Variants in PTPRB observed in about 807,000 individuals in gnomAD.
The protein encoded by PTPRB is receptor-type tyrosine-protein phosphatase beta.
PTPRB carries 97 observed loss-of-function variants against 238.1 expected under a neutral mutation model. The observed-to-expected ratio is 0.41, with a 90% CI of 0.35 to 0.48. The LOEUF (loss-of-function observed/expected upper bound fraction) is 0.48. PTPRB is among the 20% of genes least tolerant of loss of function. PTPRB has a pLI of 0.30. For synonymous variants in PTPRB, 970 were observed against 995.4 expected (o/e 0.97, Z 0.48); for missense variants, 2,292 against 2,681.9 (o/e 0.85, Z 3.21).
At chr12:70,536,244 G>A in intron 28 of PTPRB, 85 bp from the exon 29 acceptor site, 1 of 1,448,226 alleles carries the variant, frequency 6.9e-7, no homozygotes, top group Non-Finnish European at 9.4e-7. Flanking sequence ...TTAGATGATA[G>A]GGAGGTCTCT....
At chr12:70,605,470 G>A (rs1008900211) in intron 4 of PTPRB, among the ~76,000 whole-genome samples, 1 of 152,110 alleles carries the variant, frequency 6.6e-6, no homozygotes, top group Non-Finnish European at 1.5e-5. Context: ...TGTATTAGAT[G>A]CCATTTAAGT....
At chr12:70,599,793 C>G (rs546034721) in intron 4 of PTPRB, among the ~76,000 whole-genome samples, 2 of 151,964 alleles carry the variant, frequency 1.3e-5, no homozygotes, top group Non-Finnish European at 2.9e-5. Flanking sequence ...ATTCTTTTTT[C>G]CTTTTCTTTT....
At position 70,536,881 on chromosome 12, in the gene PTPRB, T is replaced by C. The variant is rs139774743; in HGVS notation, c.5947-722A>G. 2.7e-3 allele frequency among the ~76,000 whole-genome samples: 413 copies of C among 152,312 alleles called. 2 individuals are homozygous for C. Among genetic ancestry groups the C allele is most frequent in the African/African-American group, 9.2e-3 (382 of 41,560 alleles). On this transcript the variant is annotated intron_variant, in intron 28 of 33. Coordinates refer to ENST00000334414, the MANE Select transcript of PTPRB (RefSeq NM_001109754.4). ...GCTTGGCTGAGCCTTCTTTTATCTT[T>C]CTCTCTGCTGGGGGATATTCTCCAA...
intron 10 of PTPRB, among the ~76,000 whole-genome samples, chr12:70,577,010 A>C (rs545523091): frequency 6.6e-5 from 10 of 152,330 alleles, no homozygotes; most frequent in African/African-American, 2.2e-4. Flanking sequence ...CAAATATTTC[A>C]ACAATCTAAA....
chr12:70,538,399 C>T, intron 27 of PTPRB, 168 bp from the exon 28 acceptor site: 1 of 574,792 alleles, frequency 1.7e-6, no homozygotes, highest in Middle Eastern at 3.0e-4. Flanking sequence ...CCCCATGTTG[C>T]ATAGGTGGCC....
At chr12:70,620,673 T>C (rs146834565) in intron 3 of PTPRB, among the ~76,000 whole-genome samples, 5 of 152,294 alleles carry the variant, frequency 3.3e-5, no homozygotes, top group Non-Finnish European at 7.4e-5. Context: ...GGTGATACTA[T>C]TCAGCCATGA....
rs191296659 is a variant in PTPRB, at chr12:70,569,019, C to T, written c.3634+656G>A. On this transcript the variant is annotated intron_variant, in intron 14 of 33. Coordinates refer to ENST00000334414, the MANE Select transcript of PTPRB (RefSeq NM_001109754.4). ...GCTCTACCAGGTAAAGTAGATGGCA[C>T]AGATGTGTACTCTTTCTTAAAAGGT... Among the ~76,000 whole-genome samples, 30 of 152,224 alleles carry T rather than the reference C, an allele frequency of 2.0e-4. No individual in the cohort carries two copies. The East Asian group carries it at 5.0e-3, about 25-fold the overall frequency.
At chr12:70,620,413 T>C (rs990211783) in intron 3 of PTPRB, among the ~76,000 whole-genome samples, 1 of 152,198 alleles carries the variant, frequency 6.6e-6, no homozygotes, top group Non-Finnish European at 1.5e-5. Flanking sequence ...TAGGCAAAAA[T>C]TGGAGACTGT....
intron 3 of PTPRB, 38 bp from the exon 4 acceptor site, chr12:70,609,377 T>C: frequency 6.3e-7 from 1 of 1,597,576 alleles, no homozygotes; most frequent in Non-Finnish European, 8.5e-7. Flanking sequence ...AAGTCCACAG[T>C]CTGGACTGCT....
chr12:70,520,153 G>A lies in PTPRB; in HGVS notation c.*1336C>T. 1 of 447,738 alleles carries A rather than the reference G, an allele frequency of 2.2e-6. No individual in the cohort carries two copies. Among genetic ancestry groups the A allele is most frequent in the South Asian group, 1.6e-5 (1 of 61,554 alleles). 27.7% of individuals were successfully genotyped at this position (447,738 alleles called of 1,614,324 possible). ...CAAACATCTCCAGCTCATCTTCTCA[G>A]GTATCTATGAAGATTCCGTACAAAC... is the stretch of plus-strand genomic sequence containing the variant. On this transcript the variant is annotated 3_prime_UTR_variant, in exon 34 of 34. Transcript: ENST00000334414.
chr12:70,574,789 C>T lies in PTPRB; in HGVS notation c.2842+1593G>A, dbSNP rs565572882. Reference sequence around the variant, plus strand: ...GGGGCAATGATTTGCCTCCATTAGTCGTGTACCAAGTCCAAGTTCATGCCG... The same window carrying T: ...GGGGCAATGATTTGCCTCCATTAGTTGTGTACCAAGTCCAAGTTCATGCCG... On this transcript the variant is annotated intron_variant, in intron 11 of 33. Coordinates refer to ENST00000334414, the MANE Select transcript of PTPRB (RefSeq NM_001109754.4). 2.0e-4 allele frequency among the ~76,000 whole-genome samples: 30 copies of T among 152,282 alleles called. No homozygotes were observed. In the South Asian group the frequency reaches 5.4e-3, roughly 27 times the overall value.
rs765320471 is a variant in PTPRB, at chr12:70,566,631, T to A, written c.3708A>T (p.Lys1236Asn). 8 of 1,614,030 alleles carry A rather than the reference T, an allele frequency of 5.0e-6. No homozygotes were observed. In the East Asian group the frequency reaches 1.8e-4, roughly 36 times the overall value. ...CATATCTTTCTGCCACACCAGCAGC[T>A]TTTTGCCAACTTACTATTAAGGAAT... is the stretch of plus-strand genomic sequence containing the variant. The part of the protein sequence containing the change: ...SSYSLIVSWQ[K>N]AAGVAERYDI... Residue 1236 changes from lysine (K) to asparagine (N), a missense_variant, in exon 15 of 34, where the codon AAA becomes AAT. By Grantham distance (94) the Lys-to-Asn change is moderately conservative. This residue lies in a region of PTPRB where 683 missense variants were observed against 862.0 expected (regional missense o/e 0.79). Coordinates refer to ENST00000334414, the MANE Select transcript of PTPRB (RefSeq NM_001109754.4).
intron 21 of PTPRB, among the ~76,000 whole-genome samples, chr12:70,550,635 G>A (rs909437995): frequency 3.3e-5 from 5 of 152,102 alleles, no homozygotes; most frequent in African/African-American, 1.2e-4. Flanking sequence ...TCAAATGCAG[G>A]GGCTCTTCCA....
chr12:70,582,299 C>G (rs1881476954), intron 9 of PTPRB, among the ~76,000 whole-genome samples: 1 of 152,048 alleles, frequency 6.6e-6, no homozygotes. Context: ...GTATATGGAT[C>G]AGATTCAATT....
At chr12:70,588,245 T>C (rs899547698) in intron 8 of PTPRB, among the ~76,000 whole-genome samples, 5 of 152,230 alleles carry the variant, frequency 3.3e-5, no homozygotes, top group African/African-American at 1.2e-4. Context: ...TCCCTAACTC[T>C]CCATCTTCCT....
At chr12:70,525,562 T>C (rs577776916) in intron 32 of PTPRB, 45 of 151,222 alleles carry the variant, frequency 3.0e-4, no homozygotes, top group African/African-American at 1.1e-3. Flanking sequence ...TATTTAAGAA[T>C]TTACTACTTT....
At chr12:70,594,811 T>C (rs1383228538) in intron 5 of PTPRB, 87 bp from the exon 6 acceptor site, 2 of 1,472,920 alleles carry the variant, frequency 1.4e-6, no homozygotes, top group African/African-American at 2.8e-5. Context: ...CACATATTCA[T>C]TTGTGTTCCT....
intron 4 of PTPRB, among the ~76,000 whole-genome samples, chr12:70,602,369 C>T (rs1273317231): frequency 6.6e-6 from 1 of 152,184 alleles, no homozygotes; most frequent in Non-Finnish European, 1.5e-5. Flanking sequence ...TATTTAATAT[C>T]AATAACTGAG....
In PTPRB at chr12:70,566,293, G is replaced by A. The variant is rs1281505496; in HGVS notation, c.3904+142C>T. 2.8e-6 allele frequency: 3 copies of A among 1,075,316 alleles called. No individual in the cohort carries two copies. The African/African-American group carries it at 4.8e-5, about 17-fold the overall frequency. The allele number at this position is 1,075,316 out of a possible 1,614,324, so 66.6% of individuals were successfully genotyped here. On this transcript the variant is annotated intron_variant, in intron 15 of 33. Transcript: ENST00000334414. ...TGGATAGGGCAACTGACATGGAAGT[G>A]GCAAATCAGGGTGAATGTTCCCAGC... is the stretch of plus-strand genomic sequence containing the variant.
Sources: allele counts gnomAD v4.1 joint callset (sites outside exome capture counted in the v4.1 genomes callset), GRCh38; gene constraint gnomAD v4.1.1; regional missense constraint gnomAD v4.1.1; transcripts MANE v1.5; gene names NCBI Gene and HGNC (gene_info 2026-07-23, HGNC 2026-07-21).